Variants in PSD3 observed in about 807,000 individuals in gnomAD.
PSD3 encodes pleckstrin and Sec7 domain containing 3, also known as PH and SEC7 domain-containing protein 3.
In PSD3, 49 loss-of-function variants were observed where a neutral mutation model predicts 105.5. That is an observed-to-expected ratio of 0.46 (90% CI 0.37 to 0.59). PSD3 has a LOEUF of 0.59. Ranked by LOEUF, PSD3 falls within the 20% of genes least tolerant of loss-of-function variation. The probability of loss-of-function intolerance (pLI) is 0.00; values close to 1 mark genes in which losing one functional copy is unlikely to be tolerated. For synonymous variants in PSD3, 557 were observed against 457.8 expected, an observed-to-expected ratio of 1.22 and a Z score of -2.77; for missense variants, 1,561 against 1,263.8, an observed-to-expected ratio of 1.24 and a Z score of -3.57.
chr8:18,801,189 C>A (rs910479374), intron 7 of PSD3, 81 bp downstream of exon 7: 1 of 825,926 alleles, frequency 1.2e-6, no homozygotes, highest in South Asian at 1.8e-5. Context: ...TACATAATTT[C>A]TCACAATAAA....
rs1191367924 is a variant in PSD3 at position 18,867,112 on chromosome 8, T to C, written c.1634+562A>G. Among the ~76,000 whole-genome samples the C allele has an allele frequency of 3.3e-5, 5 of 152,278 alleles. No homozygotes were observed. The South Asian group carries it at 8.3e-4, about 25-fold the overall frequency. On this transcript the variant is annotated intron_variant, in intron 4 of 15. Coordinates refer to ENST00000327040, the MANE Select transcript of PSD3 (RefSeq NM_015310.4). ...TCCTAAAGTAGAGAGAGAAAATAAA[T>C]ACGGAGCCTAGACCAAGATATCAGC...
At chr8:18,870,372 G>T (rs1261817904) in intron 3 of PSD3, among the ~76,000 whole-genome samples, 2 of 152,094 alleles carry the variant, frequency 1.3e-5, no homozygotes, top group African/African-American at 4.8e-5. Flanking sequence ...TTTATCCAGG[G>T]TCTAAGCTGG....
chr8:18,957,005 C>T (rs1361751561), intron 1 of PSD3, among the ~76,000 whole-genome samples: 2 of 152,142 alleles, frequency 1.3e-5, no homozygotes, highest in Non-Finnish European at 2.9e-5. Flanking sequence ...AAGATGAAAT[C>T]TTAACTACTT....
intron 4 of PSD3, among the ~76,000 whole-genome samples, chr8:18,828,101 G>C (rs1813380663): frequency 7.3e-6 from 1 of 137,112 alleles, no homozygotes; most frequent in Non-Finnish European, 1.5e-5. Context: ...TGAGGTTAAT[G>C]AGCTATTCCC....
intron 9 of PSD3, among the ~76,000 whole-genome samples, chr8:18,687,364 G>T (rs1306763527): frequency 6.6e-6 from 1 of 152,108 alleles, no homozygotes; most frequent in Non-Finnish European, 1.5e-5. Context: ...TACTTGAGAG[G>T]CTGGGGTGGG....
chr8:18,670,174 G>A (rs551191123), intron 9 of PSD3, among the ~76,000 whole-genome samples: 6 of 152,262 alleles, frequency 3.9e-5, no homozygotes, highest in Admixed American at 6.5e-5. Flanking sequence ...TGAGTGACCG[G>A]GAGCAGCCAC....
intron 9 of PSD3, among the ~76,000 whole-genome samples, chr8:18,665,576 T>C (rs1301907898): frequency 6.6e-6 from 1 of 152,228 alleles, no homozygotes; most frequent in East Asian, 1.9e-4. Flanking sequence ...GAAATAAACA[T>C]AGTTCATAAA....
chr8:18,991,529 G>C (rs1241322694), intron 1 of PSD3, among the ~76,000 whole-genome samples: 1 of 151,884 alleles, frequency 6.6e-6, no homozygotes, highest in Non-Finnish European at 1.5e-5. Context: ...CACCAGAATT[G>C]GTCCAAAATT....
intron 9 of PSD3, among the ~76,000 whole-genome samples, chr8:18,662,555 T>G (rs1809428206): frequency 1.3e-5 from 2 of 152,282 alleles, no homozygotes; most frequent in African/African-American, 2.4e-5. Flanking sequence ...TTGAAACGGG[T>G]GGGTGGGGCA....
chr8:18,917,554 A>G (rs1298238073), intron 2 of PSD3, among the ~76,000 whole-genome samples: 1 of 152,216 alleles, frequency 6.6e-6, no homozygotes, highest in African/African-American at 2.4e-5. Flanking sequence ...GTTTTGTTAT[A>G]TTGATAACAT....
chr8:18,955,890 T>C (rs948481773), intron 1 of PSD3, among the ~76,000 whole-genome samples: 11 of 152,222 alleles, frequency 7.2e-5, no homozygotes, highest in African/African-American at 2.6e-4. Context: ...AGCCTCAGCA[T>C]CCCAAGTTGC....
intron 1 of PSD3, among the ~76,000 whole-genome samples, chr8:18,961,344 G>C (rs1240341401): frequency 6.6e-6 from 1 of 152,188 alleles, no homozygotes; most frequent in African/African-American, 2.4e-5. Flanking sequence ...AAGGTTACTA[G>C]TCAAGCTACT....
chr8:19,067,580 G>A (rs567228301), intron 1 of PSD3, among the ~76,000 whole-genome samples: 1 of 152,310 alleles, frequency 6.6e-6, no homozygotes, highest in East Asian at 1.9e-4. Flanking sequence ...AGAACCAGAA[G>A]GTGGAACCAC....
intron 2 of PSD3, among the ~76,000 whole-genome samples, chr8:18,935,252 T>C (rs1822031743): frequency 6.6e-6 from 1 of 152,304 alleles, no homozygotes; most frequent in South Asian, 2.1e-4. Context: ...CTAAATTTGA[T>C]AACTAGATTA....
intron 15 of PSD3, among the ~76,000 whole-genome samples, chr8:18,538,503 A>T (rs1205404404): frequency 6.6e-6 from 1 of 152,232 alleles, no homozygotes. Context: ...ATTAAAAAAC[A>T]GAAAAGAACT....
chr8:19,037,297 C>A (rs1232748886), intron 1 of PSD3, among the ~76,000 whole-genome samples: 1 of 152,262 alleles, frequency 6.6e-6, no homozygotes, highest in African/African-American at 2.4e-5. Context: ...ACAAAACTGG[C>A]TGCTGGAGAT....
At chr8:18,592,634 G>A (rs1275960192) in intron 12 of PSD3, among the ~76,000 whole-genome samples, 1 of 152,108 alleles carries the variant, frequency 6.6e-6, no homozygotes, top group East Asian at 1.9e-4. Flanking sequence ...GTATTTCTCA[G>A]CATAAATGAT....
chr8:18,706,349 A>T (rs1055030172), intron 9 of PSD3, among the ~76,000 whole-genome samples: 2 of 152,180 alleles, frequency 1.3e-5, no homozygotes, highest in Non-Finnish European at 1.5e-5. Context: ...CGTTTTGCTT[A>T]TTTATATTTC....
At chr8:18,642,594 T>C (rs780310430) in intron 10 of PSD3, among the ~76,000 whole-genome samples, 4 of 152,172 alleles carry the variant, frequency 2.6e-5, no homozygotes, top group Non-Finnish European at 5.9e-5. Flanking sequence ...TCAGTGATTC[T>C]AAAAATGCTT....
Sources: allele counts gnomAD v4.1 joint callset (sites outside exome capture counted in the v4.1 genomes callset), GRCh38; gene constraint gnomAD v4.1.1; transcripts MANE v1.5; gene names NCBI Gene and HGNC (gene_info 2026-07-23, HGNC 2026-07-21).